The following SGCD variants were observed in gnomAD, a reference collection of about 807,000 sequenced individuals.
SGCD encodes delta-sarcoglycan.
A neutral mutation model predicts 36.6 loss-of-function variants in SGCD; 18 were observed. The observed-to-expected ratio is 0.49, with a 90% CI of 0.34 to 0.73. The LOEUF is 0.73. Ranked by LOEUF, SGCD falls within the 30% of genes least tolerant of loss-of-function variation. The probability of loss-of-function intolerance (pLI) is 0.01; values close to 1 mark genes in which losing one functional copy is unlikely to be tolerated. For missense variants in SGCD, 387 were observed against 346.7 expected, an observed-to-expected ratio of 1.12 and a Z score of -0.92; for synonymous variants, 133 against 130.6, an observed-to-expected ratio of 1.02 and a Z score of -0.12.
At chr5:156,274,536 A>G (rs1766267348) in intron 3 of SGCD, among the ~76,000 whole-genome samples, 1 of 152,190 alleles carries the variant, frequency 6.6e-6, no homozygotes, top group Non-Finnish European at 1.5e-5. Context: ...TTATTTAATC[A>G]GTGCATATAG....
At chr5:155,784,986 G>A in the SGCD span, among the ~76,000 whole-genome samples, 1 of 152,022 alleles carries the variant, frequency 6.6e-6, no homozygotes, top group Admixed American at 6.6e-5. Flanking sequence ...TTATGAATTT[G>A]TAGTGAGTTT....
intron 3 of SGCD, among the ~76,000 whole-genome samples, chr5:156,216,410 A>T (rs1034359163): frequency 6.6e-6 from 1 of 152,238 alleles, no homozygotes; most frequent in African/African-American, 2.4e-5. Flanking sequence ...ATTTCAGAAC[A>T]TCATGCTGTG....
At chr5:156,328,088 T>C (rs1767893723) in intron 1 of SGCD, among the ~76,000 whole-genome samples, 2 of 152,210 alleles carry the variant, frequency 1.3e-5, no homozygotes, top group Non-Finnish European at 2.9e-5. Context: ...TTTATAAAAA[T>C]CAAAGTTTTA....
rs980248981 is a variant in SGCD, at chr5:156,728,495, A to AT, written c.576-29086_576-29085insT. Among the ~76,000 whole-genome samples, 3 of 111,686 alleles carry AT rather than the reference A, an allele frequency of 2.7e-5. No individual in the cohort carries two copies. In the Admixed American group the frequency reaches 3.9e-4, roughly 14 times the overall value. 73.3% of individuals were successfully genotyped at this position (111,686 alleles called of 152,430 possible). On this transcript the variant is annotated intron_variant, in intron 7 of 8. Transcript: ENST00000337851. ...CACTGCACTCCAGCCTGGGTGACAG[A>AT]GCGAGACTCTGTCAAAAAAAAAAAA...
At chr5:156,596,219 T>C (rs1366054738) in intron 6 of SGCD, among the ~76,000 whole-genome samples, 1 of 152,180 alleles carries the variant, frequency 6.6e-6, no homozygotes, top group African/African-American at 2.4e-5. Context: ...CTATTAATGC[T>C]AATTCTACTT....
At chr5:156,193,010 A>T (rs993544804) in intron 3 of SGCD, among the ~76,000 whole-genome samples, 1 of 151,838 alleles carries the variant, frequency 6.6e-6, no homozygotes, top group African/African-American at 2.4e-5. Flanking sequence ...TTTTAATTTC[A>T]TCTAACTTCT....
Position 156,059,752 on chromosome 5 carries a change from G to A in SGCD, c.-281-58126G>A, listed in dbSNP as rs1215460789. ...TCACAGGTTTGGTAGTATAGTACCT[G>A]GAAACAGTGCACATGCAATAAATAC... On this transcript the variant is annotated intron_variant, in intron 1 of 9. Coordinates refer to the SGCD transcript ENST00000517913. Among the ~76,000 whole-genome samples, 3 of 146,860 alleles carry A rather than the reference G, an allele frequency of 2.0e-5. 1 individual carries two copies. Among genetic ancestry groups the A allele is most frequent in the Non-Finnish European group, 4.6e-5 (3 of 65,090 alleles).
At chr5:155,820,117 T>C in the SGCD span, among the ~76,000 whole-genome samples, 3 of 152,180 alleles carry the variant, frequency 2.0e-5, no homozygotes, top group African/African-American at 7.2e-5. Flanking sequence ...TTTCTAGTCC[T>C]TGGGTCATGT....
the SGCD span, among the ~76,000 whole-genome samples, chr5:155,860,693 C>T: frequency 0.089 from 13,489 of 152,152 alleles, 1,551 homozygotes; most frequent in African/African-American, 0.27. Flanking sequence ...ATGCGTGCTT[C>T]GTGGGAATCA....
chr5:156,608,910 C>T (rs1341511269), intron 6 of SGCD, among the ~76,000 whole-genome samples: 2 of 151,908 alleles, frequency 1.3e-5, no homozygotes, highest in Non-Finnish European at 2.9e-5. Context: ...GATCTTCCTC[C>T]ATCCCTTTAT....
intron 6 of SGCD, among the ~76,000 whole-genome samples, chr5:156,619,511 A>G (rs1762160633): frequency 6.6e-6 from 1 of 152,230 alleles, no homozygotes; most frequent in South Asian, 2.1e-4. Flanking sequence ...TTTTCAAATG[A>G]GGAGATAAAC....
intron 1 of SGCD, among the ~76,000 whole-genome samples, chr5:155,928,909 C>T (rs912787769): frequency 2.0e-5 from 3 of 152,004 alleles, no homozygotes; most frequent in African/African-American, 7.2e-5. Flanking sequence ...TTCTGAAATC[C>T]TTTTGAGACT....
At chr5:156,163,081 CTT>C (rs1763122203) in intron 3 of SGCD, among the ~76,000 whole-genome samples, 2 of 151,548 alleles carry the variant, frequency 1.3e-5, no homozygotes, top group African/African-American at 4.9e-5. Flanking sequence ...ATTGCAGAGA[CTT>C]TTAAATTCAA....
intron 1 of SGCD, among the ~76,000 whole-genome samples, chr5:156,073,238 G>C (rs972440467): frequency 1.5e-4 from 23 of 152,082 alleles, no homozygotes; most frequent in African/African-American, 1.9e-4. Flanking sequence ...GCTGTCTTCT[G>C]TATCTTACCT....
chr5:156,471,882 A>G (rs1466469221), intron 3 of SGCD, among the ~76,000 whole-genome samples: 1 of 149,496 alleles, frequency 6.7e-6, no homozygotes, highest in Non-Finnish European at 1.5e-5. Flanking sequence ...TACACAACGA[A>G]TTTATATCAA....
chr5:156,572,173 C>T (rs1044866142), intron 4 of SGCD, among the ~76,000 whole-genome samples: 2 of 152,072 alleles, frequency 1.3e-5, no homozygotes, highest in African/African-American at 4.8e-5. Context: ...ATTGTTTCCG[C>T]CCTTTGATTA....
chr5:156,550,694 C>G (rs1225620707), intron 4 of SGCD, among the ~76,000 whole-genome samples: 1 of 152,198 alleles, frequency 6.6e-6, no homozygotes, highest in Non-Finnish European at 1.5e-5. Flanking sequence ...GATTCCCGCT[C>G]TCTGAGCCCA....
chr5:156,601,388 G>A (rs1219137134), intron 6 of SGCD, among the ~76,000 whole-genome samples: 1 of 152,126 alleles, frequency 6.6e-6, no homozygotes, highest in African/African-American at 2.4e-5. Flanking sequence ...TTATTGAAGA[G>A]ACTATTTTTC....
At chr5:156,523,702 C>T (rs990562602) in intron 4 of SGCD, among the ~76,000 whole-genome samples, 2 of 151,934 alleles carry the variant, frequency 1.3e-5, no homozygotes, top group Non-Finnish European at 2.9e-5. Flanking sequence ...TATTCTTACA[C>T]GGTAGAGTTC....
Sources: allele counts gnomAD v4.1 joint callset (sites outside exome capture counted in the v4.1 genomes callset), GRCh38; gene constraint gnomAD v4.1.1; transcripts MANE v1.5; gene names NCBI Gene and HGNC (gene_info 2026-07-23, HGNC 2026-07-21).